Variants in CCDC158 observed in about 807,000 individuals in gnomAD.
The protein encoded by CCDC158 is coiled-coil domain-containing protein 158.
CCDC158 carries 116 observed loss-of-function variants against 138.6 expected under a neutral mutation model. The ratio of observed to expected loss-of-function variants is 0.84; its 90% CI spans 0.72 to 0.98. The LOEUF is 0.98. Among genes scored for constraint, CCDC158 ranks in the 50% least tolerant of loss-of-function variants. CCDC158 has a pLI of 0.00. For missense variants in CCDC158, 1,265 were observed against 1,306.1 expected, an observed-to-expected ratio of 0.97 and a Z score of 0.48; for synonymous variants, 436 against 442.4, an observed-to-expected ratio of 0.99 and a Z score of 0.18.
Position 76,367,636 on chromosome 4 carries a change from CCT to C in CCDC158, c.1486_1487del (p.Arg496AspfsTer43), listed in dbSNP as rs1560433079. On this transcript the variant is annotated frameshift_variant, in exon 12 of 25. Coordinates refer to ENST00000682701, the MANE Select transcript of CCDC158 (RefSeq NM_001394954.1). LOFTEE classifies it high-confidence loss of function. Reference sequence around the variant, plus strand: ...GAGAAGTTGTCAGGTCCGATATTGTCCTCTCTGAGCTCTCCAGAGTCATTTTC... The same window carrying C: ...GAGAAGTTGTCAGGTCCGATATTGTCCTCTGAGCTCTCCAGAGTCATTTTC... Reference protein sequence around the residue: ...AKKMTLESSERTISDLTTSLQ... With the variant: ...AKKMTLESSEXTISDLTTSLQ... The C allele has an allele frequency of 6.2e-7, 1 of 1,614,226 alleles. No homozygotes were observed. Among genetic ancestry groups the C allele is most frequent in the Admixed American group, 1.7e-5 (1 of 60,028 alleles).
chr4:76,349,447 T>C lies in CCDC158; in HGVS notation c.2664+1549A>G, dbSNP rs184260538. On this transcript the variant is annotated intron_variant, in intron 18 of 24. Coordinates refer to ENST00000682701, the MANE Select transcript of CCDC158 (RefSeq NM_001394954.1). The stretch of plus-strand genomic sequence containing the variant: ...ACTTTGGGAGGCCAAGGTGGGAGGA[T>C]TGCTTGAGCCCAGGAGTTTGAGACA... Among the ~76,000 whole-genome samples the C allele has an allele frequency of 4.0e-3, 604 of 152,264 alleles. 3 individuals are homozygous for C. The highest frequency in any genetic ancestry group is 0.014 in the African/African-American group (573 of 41,548).
chr4:76,359,448 A>G (rs1215183126), intron 13 of CCDC158, among the ~76,000 whole-genome samples: 1 of 152,232 alleles, frequency 6.6e-6, no homozygotes, highest in Admixed American at 6.5e-5. Context: ...GGAACTTCCT[A>G]GAAACTTGTT....
At chr4:76,326,886 A>G (rs1224304179) in intron 22 of CCDC158, among the ~76,000 whole-genome samples, 1 of 152,194 alleles carries the variant, frequency 6.6e-6, no homozygotes, top group African/African-American at 2.4e-5. Flanking sequence ...AAGAAGCTTT[A>G]AAGGCATAAG....
intron 24 of CCDC158, among the ~76,000 whole-genome samples, chr4:76,317,895 A>G (rs1328522603): frequency 6.6e-6 from 1 of 152,122 alleles, no homozygotes; most frequent in Non-Finnish European, 1.5e-5. Context: ...TGAATAATCT[A>G]CTCTGGAATC....
intron 18 of CCDC158, among the ~76,000 whole-genome samples, chr4:76,336,075 G>A (rs540554759): frequency 1.3e-4 from 19 of 150,828 alleles, no homozygotes; most frequent in African/African-American, 4.4e-4. Flanking sequence ...CCAGCTACTT[G>A]GGAGGCTGAG....
intron 2 of CCDC158, among the ~76,000 whole-genome samples, chr4:76,410,304 C>T (rs933146308): frequency 6.6e-6 from 1 of 152,186 alleles, no homozygotes; most frequent in Admixed American, 6.5e-5. Flanking sequence ...CCCACCTCAG[C>T]CTCCTGAGTA....
chr4:76,413,474 C>CA (rs560813465), intron 1 of CCDC158, among the ~76,000 whole-genome samples: 3,516 of 55,730 alleles, frequency 0.063, 118 homozygotes, highest in African/African-American at 0.16. Context: ...GACCTTGTCT[C>CA]AAAAAAAAAA....
At chr4:76,411,967 A>G (rs1729331411) in intron 2 of CCDC158, 123 bp downstream of exon 2, 1 of 152,198 alleles carries the variant, frequency 6.6e-6, no homozygotes, top group African/African-American at 2.4e-5. Context: ...TGGCCTAGGC[A>G]TCCATCAAAT....
chr4:76,333,636 C>A (rs1721198144), intron 19 of CCDC158, among the ~76,000 whole-genome samples: 2 of 152,186 alleles, frequency 1.3e-5, no homozygotes, highest in African/African-American at 4.8e-5. Context: ...GAACTTGTGG[C>A]TGCAGACACG....
At chr4:76,402,115 G>A (rs376525389) in intron 3 of CCDC158, 8 of 152,170 alleles carry the variant, frequency 5.3e-5, no homozygotes, top group East Asian at 1.9e-4. Context: ...ATTTCTACTA[G>A]AAAAAACTTA....
At chr4:76,348,570 G>A (rs528743715) in intron 18 of CCDC158, among the ~76,000 whole-genome samples, 6 of 151,966 alleles carry the variant, frequency 3.9e-5, no homozygotes, top group Admixed American at 1.3e-4. Context: ...ACACAAACAC[G>A]TGGACCATAA....
chr4:76,384,632 A>T lies in CCDC158; in HGVS notation c.322T>A (p.Leu108Met). ...NELHEKQKFY[L>M]RQSVIDLQTK... is the part of the protein sequence containing the mutation. ...TGCAAATCAATGACTGACTGCCTCAAATAAAACTTTTGTTTCTCATGCAAT... is the reference window on the plus strand; with the variant it reads ...TGCAAATCAATGACTGACTGCCTCATATAAAACTTTTGTTTCTCATGCAAT... Residue 108 changes from leucine (L) to methionine (M), a missense_variant, in exon 5 of 25, where the codon TTG becomes ATG. By Grantham distance (15) the Leu-to-Met change is conservative. Transcript: ENST00000682701. 2 of 1,613,586 alleles carry T rather than the reference A, an allele frequency of 1.2e-6. No individual in the cohort carries two copies. The highest frequency in any genetic ancestry group is 4.5e-5 in the East Asian group (2 of 44,854).
chr4:76,415,270 A>C (rs1729601025), intron 1 of CCDC158, among the ~76,000 whole-genome samples: 1 of 152,154 alleles, frequency 6.6e-6, no homozygotes. Flanking sequence ...TGGCAGGATA[A>C]ATTTCTAAGC....
At chr4:76,403,031 T>C in intron 3 of CCDC158, 107 bp downstream of exon 3, 1 of 729,890 alleles carries the variant, frequency 1.4e-6, no homozygotes, top group Non-Finnish European at 2.3e-6. Context: ...ATGATCATGG[T>C]CTGTAACCCA....
intron 22 of CCDC158, 95 bp from the exon 23 acceptor site, chr4:76,326,110 C>A: frequency 9.9e-7 from 1 of 1,013,392 alleles, no homozygotes; most frequent in South Asian, 1.6e-5. Context: ...AGAAAATGTT[C>A]CCAATGGTGG....
At chr4:76,319,144 C>T (rs1478793926) in intron 24 of CCDC158, among the ~76,000 whole-genome samples, 15 of 151,940 alleles carry the variant, frequency 9.9e-5, no homozygotes, top group East Asian at 1.9e-4. Context: ...TGCTGGTGGG[C>T]GCCTGTAGTC....
Position 76,396,385 on chromosome 4 carries a change from C to T in CCDC158, c.172G>A (p.Glu58Lys), listed in dbSNP as rs752711182. 6.2e-7 allele frequency: 1 copy of T among 1,613,676 alleles called. No individual in the cohort carries two copies. The highest frequency in any genetic ancestry group is 2.2e-5 in the East Asian group (1 of 44,840). The change falls in exon 4 of 25, where the codon GAA (glutamate) becomes AAA (lysine). Residue 58 changes from glutamate (E) to lysine (K), a missense_variant. Physicochemically the swap from Glu to Lys is moderately conservative, Grantham distance 56. Coordinates refer to ENST00000682701, the MANE Select transcript of CCDC158 (RefSeq NM_001394954.1). The part of the protein sequence containing the change: ...LTQVPFFPKY[E>K]VELDSPRKII... ...TTTCTAGGAGAATCAAGTTCCACTT[C>T]ATATTTAGGGAAAAAAGGAACCTGT...
intron 13 of CCDC158, among the ~76,000 whole-genome samples, chr4:76,359,662 C>T (rs1051124605): frequency 2.1e-4 from 32 of 152,168 alleles, no homozygotes; most frequent in Non-Finnish European, 4.3e-4. Context: ...GGGTATCTGG[C>T]AGAAGAAATT....
chr4:76,383,336 C>G (rs141776382), intron 7 of CCDC158, among the ~76,000 whole-genome samples: 1 of 152,092 alleles, frequency 6.6e-6, no homozygotes, highest in African/African-American at 2.4e-5. Flanking sequence ...CTCTTGATGC[C>G]TTTTCTCAGT....
Sources: allele counts gnomAD v4.1 joint callset (sites outside exome capture counted in the v4.1 genomes callset), GRCh38; gene constraint gnomAD v4.1.1; transcripts MANE v1.5; gene names NCBI Gene and HGNC (gene_info 2026-07-23, HGNC 2026-07-21).